MSRA: variants seen among roughly 807,000 people sequenced by gnomAD.
The protein encoded by MSRA is methionine sulfoxide reductase A.
MSRA carries 54 observed loss-of-function variants against 31.3 expected under a neutral mutation model. That is an observed-to-expected ratio of 1.73 (90% CI 1.39 to 2.17). The LOEUF (loss-of-function observed/expected upper bound fraction) is 2.17. MSRA is among the 30% of genes most tolerant of loss of function. The pLI is 0.00. For missense variants in MSRA, 507 were observed against 300.9 expected, an observed-to-expected ratio of 1.69 and a Z score of -5.07; for synonymous variants, 169 against 116.5, an observed-to-expected ratio of 1.45 and a Z score of -2.90.
At chr8:10,229,941 A>T (rs917082519) in intron 2 of MSRA, among the ~76,000 whole-genome samples, 1 of 152,190 alleles carries the variant, frequency 6.6e-6, no homozygotes. Flanking sequence ...CGAAGCCTCA[A>T]TGGATGGGCT....
intron 1 of MSRA, among the ~76,000 whole-genome samples, chr8:10,173,751 C>T (rs1182347910): frequency 6.6e-6 from 1 of 152,194 alleles, no homozygotes; most frequent in Non-Finnish European, 1.5e-5. Flanking sequence ...GTTTTCTTGT[C>T]ACTCTTTTGG....
chr8:10,286,327 C>G (rs1189607363), intron 3 of MSRA, among the ~76,000 whole-genome samples: 10 of 152,214 alleles, frequency 6.6e-5, no homozygotes, highest in African/African-American at 2.2e-4. Context: ...GGGGGCAGGT[C>G]TTTCTGGTGC....
At chr8:10,174,291 G>C (rs1479148004) in intron 1 of MSRA, among the ~76,000 whole-genome samples, 1 of 152,150 alleles carries the variant, frequency 6.6e-6, no homozygotes, top group Admixed American at 6.6e-5. Context: ...AGAGGAGCTT[G>C]CTGACAGCTA....
intron 1 of MSRA, among the ~76,000 whole-genome samples, chr8:10,151,310 T>G (rs1358233610): frequency 2.0e-5 from 3 of 147,996 alleles, no homozygotes; most frequent in African/African-American, 7.5e-5. Context: ...TGTAGGAAGC[T>G]TAGTCAGTGG....
intron 5 of MSRA, chr8:10,336,677 C>A (rs1011656213): frequency 3.9e-5 from 6 of 152,064 alleles, no homozygotes; most frequent in Non-Finnish European, 8.8e-5. Context: ...GATGTAGATT[C>A]CAGAGTTGTA....
chr8:10,425,013 G>C (rs981457311), intron 5 of MSRA, among the ~76,000 whole-genome samples: 2 of 152,238 alleles, frequency 1.3e-5, no homozygotes, highest in African/African-American at 2.4e-5. Flanking sequence ...TGTCCGAGGG[G>C]AGTGACTTGC....
chr8:10,161,689 T>C (rs1220622143), intron 1 of MSRA, among the ~76,000 whole-genome samples: 1 of 151,882 alleles, frequency 6.6e-6, no homozygotes, highest in East Asian at 1.9e-4. Context: ...AGACCCGGGT[T>C]CTGCATCTGG....
At chr8:10,253,710 A>G (rs1353437181) in intron 3 of MSRA, among the ~76,000 whole-genome samples, 1 of 151,662 alleles carries the variant, frequency 6.6e-6, no homozygotes, top group Non-Finnish European at 1.5e-5. Flanking sequence ...AATCACATCT[A>G]ATGGAGCCAT....
chr8:10,324,970 G>A (rs549595662), intron 5 of MSRA, among the ~76,000 whole-genome samples: 1 of 152,320 alleles, frequency 6.6e-6, no homozygotes, highest in East Asian at 1.9e-4. Context: ...GAGGCACATG[G>A]CGTTGAGTGT....
chr8:10,060,057 C>A (rs745835720), intron 1 of MSRA, among the ~76,000 whole-genome samples: 1 of 150,484 alleles, frequency 6.6e-6, no homozygotes, highest in African/African-American at 2.4e-5. Flanking sequence ...TTGGTTGTAT[C>A]TATCAAAAAT....
At chr8:10,191,937 A>C (rs951639230) in intron 1 of MSRA, among the ~76,000 whole-genome samples, 4 of 152,194 alleles carry the variant, frequency 2.6e-5, no homozygotes, top group Non-Finnish European at 1.5e-5. Flanking sequence ...GATTGTGGGC[A>C]TGGCTTAGCT....
At chr8:10,153,756 G>T (rs144180034) in intron 1 of MSRA, among the ~76,000 whole-genome samples, 166 of 152,290 alleles carry the variant, frequency 1.1e-3, no homozygotes, top group African/African-American at 3.9e-3. Flanking sequence ...TAAGAAATAT[G>T]TTCGAGGAGG....
At chr8:10,274,544 C>T (rs572419982) in intron 3 of MSRA, among the ~76,000 whole-genome samples, 3 of 152,176 alleles carry the variant, frequency 2.0e-5, no homozygotes, top group African/African-American at 7.2e-5. Context: ...CCATTCCAAT[C>T]TGGAGAAGTT....
At chr8:10,264,486 A>T (rs1798642500) in intron 3 of MSRA, among the ~76,000 whole-genome samples, 1 of 152,218 alleles carries the variant, frequency 6.6e-6, no homozygotes, top group South Asian at 2.1e-4. Context: ...GCTATATTTC[A>T]ACTTGTTTAT....
chr8:10,107,203 G>A (rs1307892387), intron 1 of MSRA, among the ~76,000 whole-genome samples: 1 of 151,642 alleles, frequency 6.6e-6, no homozygotes, highest in African/African-American at 2.4e-5. Flanking sequence ...AACTCAGAGG[G>A]AGAATCAAAA....
At chr8:10,290,622 G>A (rs1368595798) in intron 3 of MSRA, among the ~76,000 whole-genome samples, 1 of 152,120 alleles carries the variant, frequency 6.6e-6, no homozygotes, top group African/African-American at 2.4e-5. Context: ...GGTGGAGGGG[G>A]AGGCGTGAGA....
intron 3 of MSRA, among the ~76,000 whole-genome samples, chr8:10,263,841 G>C (rs1798605965): frequency 1.3e-5 from 2 of 152,202 alleles, no homozygotes; most frequent in Non-Finnish European, 2.9e-5. Context: ...TAGAATAGCT[G>C]ATGCTTTTAG....
intron 4 of MSRA, among the ~76,000 whole-genome samples, chr8:10,308,166 A>G (rs192194343): frequency 5.3e-5 from 8 of 152,308 alleles, no homozygotes; most frequent in South Asian, 2.1e-4. Flanking sequence ...AAGTACTGCT[A>G]TTGTGGTTCA....
chr8:10,291,916 G>A lies in MSRA; in HGVS notation c.332-9618G>A, dbSNP rs542709590. Among the ~76,000 whole-genome samples the A allele has an allele frequency of 2.6e-5, 4 of 152,276 alleles. No individual in the cohort carries two copies. The East Asian group carries it at 5.8e-4, about 22-fold the overall frequency. On this transcript the variant is annotated intron_variant, in intron 3 of 5. Transcript: ENST00000317173. The stretch of plus-strand genomic sequence containing the variant: ...TGGACTCGGACTCTAGGCAGTTCCC[G>A]TGGCACAAGGGTTGTTTGTTGTCAC...
Sources: allele counts gnomAD v4.1 joint callset (sites outside exome capture counted in the v4.1 genomes callset), GRCh38; gene constraint gnomAD v4.1.1; transcripts MANE v1.5; gene names NCBI Gene and HGNC (gene_info 2026-07-23, HGNC 2026-07-21).